The following DLGAP4 variants were observed in gnomAD, a reference collection of about 807,000 sequenced individuals.
The protein encoded by DLGAP4 is DLG associated protein 4.
Under a neutral mutation model 86.9 loss-of-function variants are expected in DLGAP4, and 18 were observed. The ratio of observed to expected loss-of-function variants is 0.21; its 90% CI spans 0.14 to 0.31. DLGAP4 has a LOEUF of 0.31. DLGAP4 is among the 10% of genes least tolerant of loss of function. The probability of loss-of-function intolerance (pLI) is 1.00; values close to 1 mark genes in which losing one functional copy is unlikely to be tolerated. For synonymous variants in DLGAP4, 548 were observed against 574.3 expected, an observed-to-expected ratio of 0.95 and a Z score of 0.65; for missense variants, 1,085 against 1,362.6, an observed-to-expected ratio of 0.80 and a Z score of 3.21.
rs1194785863 is a variant in DLGAP4 at position 36,436,077 on chromosome 20, T to A, written c.1000-32T>A. 7 of 1,520,092 alleles carry A rather than the reference T, an allele frequency of 4.6e-6. No homozygotes were observed. The African/African-American group carries it at 8.4e-5, about 18-fold the overall frequency. 94.2% of individuals were successfully genotyped at this position (1,520,092 alleles called of 1,614,324 possible). Reference sequence around the variant, plus strand: ...CTCGCCATCTGCTCATTTTCTGCGGTGGCCCCACTGAGTCCTGTGCCCCAT... The same window carrying A: ...CTCGCCATCTGCTCATTTTCTGCGGAGGCCCCACTGAGTCCTGTGCCCCAT... On this transcript the variant is annotated intron_variant, in intron 3 of 12. Transcript: ENST00000339266.
At chr20:36,490,981 T>G (rs1170089170) in intron 7 of DLGAP4, among the ~76,000 whole-genome samples, 1 of 146,114 alleles carries the variant, frequency 6.8e-6, no homozygotes, top group African/African-American at 2.6e-5. Context: ...GATCACGAGG[T>G]CAAGAGTTCA....
At chr20:36,453,462 C>A (rs1347879392) in intron 7 of DLGAP4, among the ~76,000 whole-genome samples, 1 of 151,992 alleles carries the variant, frequency 6.6e-6, no homozygotes, top group Non-Finnish European at 1.5e-5. Context: ...TCAGCCTGGG[C>A]AACATAGTGA....
At chr20:36,408,635 CA>C (rs1231997652) in intron 2 of DLGAP4, among the ~76,000 whole-genome samples, 1 of 152,216 alleles carries the variant, frequency 6.6e-6, no homozygotes, top group East Asian at 1.9e-4. Flanking sequence ...GGGCTCTTTG[CA>C]CAGCCTGGGC....
In DLGAP4 at chr20:36,528,279, G is replaced by A. The variant is rs867822686; in HGVS notation, c.*1248G>A. 1 of 152,530 alleles carries A rather than the reference G, an allele frequency of 6.6e-6. No homozygotes were observed. The allele number at this position is 152,530 out of a possible 1,614,324, so 9.4% of individuals were successfully genotyped here. On this transcript the variant is annotated 3_prime_UTR_variant, in exon 13 of 13. Coordinates refer to ENST00000339266, the MANE Select transcript of DLGAP4 (RefSeq NM_001365621.2). Reference sequence around the variant, plus strand: ...CCTGCCCCCGCATCCCACTCCCAGGGTGTCACGAGCCCTGAGCTGCAATGG... The same window carrying A: ...CCTGCCCCCGCATCCCACTCCCAGGATGTCACGAGCCCTGAGCTGCAATGG...
chr20:36,406,985 G>A (rs753590735), intron 2 of DLGAP4, among the ~76,000 whole-genome samples: 2 of 152,062 alleles, frequency 1.3e-5, no homozygotes, highest in Non-Finnish European at 1.5e-5. Context: ...AGGGGACAGC[G>A]GGAAGCCTGC....
At chr20:36,508,767 ATGTCTCTC>A (rs1461615172) in intron 10 of DLGAP4, 1 of 152,210 alleles carries the variant, frequency 6.6e-6, no homozygotes, top group African/African-American at 2.4e-5. Flanking sequence ...ACTCTGGTGC[ATGTCTCTC>A]TGCCATGAGG....
At chr20:36,325,413 T>A (rs1190817782) in intron 1 of DLGAP4, among the ~76,000 whole-genome samples, 1 of 152,044 alleles carries the variant, frequency 6.6e-6, no homozygotes, top group East Asian at 1.9e-4. Flanking sequence ...ATGAAAAGAG[T>A]ATGTATTCTG....
At chr20:36,360,067 T>A (rs2147401847) in intron 1 of DLGAP4, among the ~76,000 whole-genome samples, 1 of 152,348 alleles carries the variant, frequency 6.6e-6, no homozygotes, top group Admixed American at 6.5e-5. Context: ...TCATAGCAGC[T>A]TTATACTCCT....
At chr20:36,404,721 G>A (rs2032262618) in intron 2 of DLGAP4, among the ~76,000 whole-genome samples, 1 of 151,950 alleles carries the variant, frequency 6.6e-6, no homozygotes, top group Non-Finnish European at 1.5e-5. Flanking sequence ...CCTAGCCCAC[G>A]GGAGATGTTT....
chr20:36,445,725 A>T (rs541311666), intron 6 of DLGAP4, among the ~76,000 whole-genome samples: 21 of 152,150 alleles, frequency 1.4e-4, no homozygotes, highest in Non-Finnish European at 2.9e-4. Context: ...TTTCCTCCAC[A>T]TGGTCAGTCA....
chr20:36,454,914 G>C (rs2033840860), intron 7 of DLGAP4, among the ~76,000 whole-genome samples: 1 of 152,094 alleles, frequency 6.6e-6, no homozygotes, highest in Admixed American at 6.5e-5. Context: ...CCCTCCCCCT[G>C]TCTGACCCAG....
intron 7 of DLGAP4, among the ~76,000 whole-genome samples, chr20:36,455,172 A>G (rs570330733): frequency 2.7e-5 from 4 of 148,586 alleles, no homozygotes; most frequent in Non-Finnish European, 6.0e-5. Context: ...TTACTCTGCC[A>G]TCTCCCTCTC....
chr20:36,404,356 C>A (rs1026877133), intron 2 of DLGAP4, among the ~76,000 whole-genome samples: 1 of 152,112 alleles, frequency 6.6e-6, no homozygotes, highest in East Asian at 1.9e-4. Flanking sequence ...CAGAGGGGGA[C>A]ACAGAGGCCT....
chr20:36,465,180 T>G (rs1296588367), intron 7 of DLGAP4: 2 of 124,124 alleles, frequency 1.6e-5, no homozygotes, highest in African/African-American at 3.0e-5. Context: ...CACCCCCGCA[T>G]GCCCTGTGGT....
intron 4 of DLGAP4, among the ~76,000 whole-genome samples, 171 bp downstream of exon 4, chr20:36,436,521 A>G (rs2033285022): frequency 6.6e-6 from 1 of 151,760 alleles, no homozygotes; most frequent in South Asian, 2.1e-4. Context: ...GAACCCCTTC[A>G]TTGAAATAAG....
intron 8 of DLGAP4, chr20:36,497,699 A>T: frequency 1.0e-6 from 1 of 967,450 alleles, no homozygotes; most frequent in Non-Finnish European, 1.2e-6. Flanking sequence ...ATGGTTCCCC[A>T]GGGTTAGGTG....
intron 4 of DLGAP4, 125 bp from the exon 5 acceptor site, chr20:36,439,629 C>A: frequency 1.3e-6 from 1 of 766,836 alleles, no homozygotes; most frequent in Non-Finnish European, 2.2e-6. Flanking sequence ...GCTGGTGCTG[C>A]CACCCTGCGG....
At chr20:36,396,459 A>G (rs1212126271) in intron 2 of DLGAP4, among the ~76,000 whole-genome samples, 6 of 72,580 alleles carry the variant, frequency 8.3e-5, no homozygotes, top group Admixed American at 3.7e-4. Context: ...CATCACATGC[A>G]CACACACACA....
intron 1 of DLGAP4, among the ~76,000 whole-genome samples, chr20:36,361,049 G>A (rs1266236652): frequency 6.6e-6 from 1 of 151,914 alleles, no homozygotes; most frequent in African/African-American, 2.4e-5. Context: ...CTGGGCATGG[G>A]GTGAGAAGGA....
Sources: allele counts gnomAD v4.1 joint callset (sites outside exome capture counted in the v4.1 genomes callset), GRCh38; gene constraint gnomAD v4.1.1; transcripts MANE v1.5; gene names NCBI Gene and HGNC (gene_info 2026-07-23, HGNC 2026-07-21).